Variants in LINC00305 observed in about 807,000 individuals in gnomAD.
The protein encoded by LINC00305 is long independently transcribed non-coding RNA 305.
At chr18:64,084,802 C>T (rs753555431) in intron 3 of LINC00305, among the ~76,000 whole-genome samples, 62 of 152,206 alleles carry the variant, frequency 4.1e-4, no homozygotes, top group Non-Finnish European at 4.8e-4. Context: ...TGAAACTCAG[C>T]CCCATATATC....
intron 3 of LINC00305, among the ~76,000 whole-genome samples, chr18:64,083,453 C>T (rs2051192189): frequency 6.6e-6 from 1 of 152,178 alleles, no homozygotes; most frequent in Admixed American, 6.5e-5. Context: ...AGGCAATACG[C>T]ATTTAAACTC....
intron 1 of LINC00305, among the ~76,000 whole-genome samples, chr18:64,148,233 GTC>G (rs377405903): frequency 1.9e-3 from 291 of 150,228 alleles, no homozygotes; most frequent in Middle Eastern, 0.017. Context: ...CTAACCTCAT[GTC>G]TCTCTCTCTC....
intron 1 of LINC00305, among the ~76,000 whole-genome samples, chr18:64,129,773 A>G (rs79055904): frequency 0.065 from 9,825 of 152,104 alleles, 1,050 homozygotes; most frequent in African/African-American, 0.22. Flanking sequence ...AATCTTTCCA[A>G]CTGCTTCTTT....
At chr18:64,081,138 C>T (rs1852661501) in intron 3 of LINC00305, among the ~76,000 whole-genome samples, 1 of 152,126 alleles carries the variant, frequency 6.6e-6, no homozygotes, top group Non-Finnish European at 1.5e-5. Context: ...TTTCCTGAAC[C>T]AAATAGCTAT....
chr18:64,086,129 A>G (rs1344352074), intron 3 of LINC00305, among the ~76,000 whole-genome samples: 1 of 152,226 alleles, frequency 6.6e-6, no homozygotes, highest in African/African-American at 2.4e-5. Flanking sequence ...AAGTTTGTCT[A>G]TGGGGAAGAC....
chr18:64,143,491 G>GTA (rs1204837148), intron 1 of LINC00305, among the ~76,000 whole-genome samples: 2 of 44,430 alleles, frequency 4.5e-5, no homozygotes, highest in Middle Eastern at 0.011. Context: ...TGGTGTGTGT[G>GTA]TGTATATATA....
intron 1 of LINC00305, among the ~76,000 whole-genome samples, chr18:64,145,076 C>G (rs190059562): frequency 1.6e-3 from 244 of 152,282 alleles, no homozygotes; most frequent in African/African-American, 5.7e-3. Flanking sequence ...AACCTGTTGT[C>G]TAGCTTCACG....
At chr18:64,140,623 T>C (rs2051457745) in intron 1 of LINC00305, among the ~76,000 whole-genome samples, 1 of 152,188 alleles carries the variant, frequency 6.6e-6, no homozygotes, top group Admixed American at 6.5e-5. Context: ...TTTTGTTGAC[T>C]TCTTGATCCT....
intron 3 of LINC00305, among the ~76,000 whole-genome samples, chr18:64,083,755 GT>G (rs923599239): frequency 2.0e-5 from 3 of 152,066 alleles, no homozygotes; most frequent in African/African-American, 7.2e-5. Context: ...TAAATTCCTG[GT>G]TCTCATTATA....
At chr18:64,113,973 A>G (rs1160196912) in intron 1 of LINC00305, among the ~76,000 whole-genome samples, 1 of 152,240 alleles carries the variant, frequency 6.6e-6, no homozygotes, top group African/African-American at 2.4e-5. Context: ...GAAGCACATA[A>G]AAATGAAAGA....
chr18:64,090,978 A>C (rs921013432), intron 3 of LINC00305, among the ~76,000 whole-genome samples: 1 of 152,222 alleles, frequency 6.6e-6, no homozygotes, highest in Non-Finnish European at 1.5e-5. Context: ...ATTTACCAAC[A>C]CTTTCTGCCA....
intron 3 of LINC00305, among the ~76,000 whole-genome samples, chr18:64,092,039 A>G (rs993102888): frequency 6.6e-6 from 1 of 152,222 alleles, no homozygotes; most frequent in Admixed American, 6.5e-5. Context: ...ATTAGTTCAT[A>G]AGGCACAATT....
At chr18:64,089,340 C>T (rs185854751) in intron 3 of LINC00305, among the ~76,000 whole-genome samples, 387 of 152,240 alleles carry the variant, frequency 2.5e-3, no homozygotes, top group African/African-American at 8.5e-3. Context: ...CTGCCATGAT[C>T]GTAAGTTTCC....
At chr18:64,125,628 A>AATCCATCCATATATGTCTTAAATCT (rs1568114252) in intron 1 of LINC00305, among the ~76,000 whole-genome samples, 3 of 151,652 alleles carry the variant, frequency 2.0e-5, no homozygotes, top group Non-Finnish European at 4.4e-5. Flanking sequence ...ATATGTCTTA[A>AATCCATCCATATATGTCTTAAATCT]ATCTATCTTT....
At chr18:64,117,709 G>A (rs746121776) in intron 1 of LINC00305, among the ~76,000 whole-genome samples, 1 of 152,122 alleles carries the variant, frequency 6.6e-6, no homozygotes, top group African/African-American at 2.4e-5. Flanking sequence ...TGCATGTAAC[G>A]GTACAGATCA....
intron 1 of LINC00305, among the ~76,000 whole-genome samples, chr18:64,103,518 T>G (rs2051276356): frequency 6.6e-6 from 1 of 152,208 alleles, no homozygotes; most frequent in Non-Finnish European, 1.5e-5. Flanking sequence ...AAAATGTGTT[T>G]GATTTTGATT....
chr18:64,128,018 TC>T (rs1183532025), intron 1 of LINC00305, among the ~76,000 whole-genome samples: 1 of 152,104 alleles, frequency 6.6e-6, no homozygotes, highest in Admixed American at 6.6e-5. Flanking sequence ...AGAAATCTTT[TC>T]CTTCTTTTGG....
chr18:64,127,844 C>T lies in LINC00305; in HGVS notation n.314+20931G>A, dbSNP rs116565311. 4.3e-3 allele frequency among the ~76,000 whole-genome samples: 655 copies of T among 152,134 alleles called. 4 individuals are homozygous for T. The highest frequency in any genetic ancestry group is 0.014 in the African/African-American group (602 of 41,524). On this transcript the variant is annotated intron_variant and non_coding_transcript_variant, in intron 1 of 3. Coordinates refer to ENST00000666468, the Ensembl canonical transcript of LINC00305. Reference sequence around the variant, plus strand: ...TTAAATAATAGGGCTGAATTTCTCTCGTGGATTACTCTATTTTCTAAATTT... The same window carrying T: ...TTAAATAATAGGGCTGAATTTCTCTTGTGGATTACTCTATTTTCTAAATTT...
intron 2 of LINC00305, among the ~76,000 whole-genome samples, chr18:64,098,311 A>G (rs954468144): frequency 3.3e-5 from 5 of 152,222 alleles, no homozygotes; most frequent in Non-Finnish European, 7.3e-5. Context: ...TATTATAAAA[A>G]TCATGGCAGT....
Sources: gnomAD v4.1 joint callset for allele counts (sites outside exome capture counted in the v4.1 genomes callset) on GRCh38, gnomAD v4.1.1 for gene constraint, MANE v1.5 for transcripts, NCBI Gene and HGNC (gene_info 2026-07-23, HGNC 2026-07-21) for gene names.